Variants in CAPRIN2 observed in about 807,000 individuals in gnomAD.
CAPRIN2 encodes caprin-2.
A neutral mutation model predicts 130.4 loss-of-function variants in CAPRIN2; 66 were observed. That is an observed-to-expected ratio of 0.51 (90% CI 0.42 to 0.62). The LOEUF (loss-of-function observed/expected upper bound fraction) is 0.62. Among genes scored for constraint, CAPRIN2 ranks in the 20% least tolerant of loss-of-function variants. CAPRIN2 has a pLI of 0.00. For missense variants in CAPRIN2, 1,185 were observed against 1,246.6 expected (o/e 0.95, Z 0.74); for synonymous variants, 471 against 444.1 (o/e 1.06, Z -0.76).
intron 2 of CAPRIN2, among the ~76,000 whole-genome samples, chr12:30,741,661 C>T (rs1475442572): frequency 2.0e-5 from 3 of 152,142 alleles, no homozygotes; most frequent in Non-Finnish European, 4.4e-5. Flanking sequence ...AAGAGGGGGG[C>T]ATTTCATGGG....
exon 4 of CAPRIN2, chr12:30,735,151 G>T (rs1334893270): frequency 2.5e-6 from 4 of 1,613,976 alleles, no homozygotes; most frequent in Non-Finnish European, 3.4e-6. Context: ...TTTCTTCTCA[G>T]CCTCAAGTTT....
At chr12:30,726,071 A>C (rs2060836200) in exon 9 of CAPRIN2, 1 of 1,573,368 alleles carries the variant, frequency 6.4e-7, no homozygotes, top group Non-Finnish European at 8.6e-7. Context: ...CTACAGGCTG[A>C]TGCACAGGCT....
intron 4 of CAPRIN2, among the ~76,000 whole-genome samples, chr12:30,734,035 G>A (rs2063607046): frequency 6.6e-6 from 1 of 152,132 alleles, no homozygotes; most frequent in Admixed American, 6.5e-5. Flanking sequence ...AAAGAACAGT[G>A]AAATTGAAAT....
chr12:30,715,406 A>C, intron 13 of CAPRIN2: 2 of 549,178 alleles, frequency 3.6e-6, no homozygotes, highest in South Asian at 3.1e-5. Flanking sequence ...CAAGTAAAAT[A>C]AGCTAGTTTC....
rs1169858629 is a variant in CAPRIN2 at position 30,710,937 on chromosome 12, G to A, written c.2666-467C>T. Among the ~76,000 whole-genome samples the A allele has an allele frequency of 2.6e-5, 4 of 152,186 alleles. No individual in the cohort carries two copies. Among genetic ancestry groups the A allele is most frequent in the Non-Finnish European group, 5.9e-5 (4 of 68,040 alleles). On this transcript the variant is annotated intron_variant, in intron 16 of 16. Transcript: ENST00000298892. The surrounding 1 kb of genome is among the most constrained non-coding windows in gnomAD (Gnocchi z 4.8). ...ATATTGATATGGAACTAAGTCCCAT[G>A]ATGATGAATGCTTTTTTTATTTCCA...
intron 8 of CAPRIN2, among the ~76,000 whole-genome samples, chr12:30,726,582 T>G (rs2060995403): frequency 6.6e-6 from 1 of 152,168 alleles, no homozygotes; most frequent in Admixed American, 6.5e-5. Context: ...TGTTATAAAG[T>G]AAGTACACTC....
chr12:30,716,731 A>G, intron 12 of CAPRIN2, 55 bp from the exon 15 acceptor site: 1 of 1,547,642 alleles, frequency 6.5e-7, no homozygotes, highest in Non-Finnish European at 8.8e-7. Context: ...AAAATGCTTA[A>G]GGGTGGTATC....
At chr12:30,745,748 AT>A (rs2069825712) in intron 2 of CAPRIN2, among the ~76,000 whole-genome samples, 1 of 152,188 alleles carries the variant, frequency 6.6e-6, no homozygotes, top group South Asian at 2.1e-4. Context: ...AAAAAGTGGA[AT>A]AAAGTAAGTC....
At chr12:30,723,088 T>A (rs983480190) in intron 11 of CAPRIN2, among the ~76,000 whole-genome samples, 171 bp downstream of exon 12, 20 of 152,206 alleles carry the variant, frequency 1.3e-4, no homozygotes, top group Middle Eastern at 3.2e-3. Flanking sequence ...AGCATAGTCA[T>A]CGGGGAATCA....
At chr12:30,711,469 T>C (rs1188295942) in intron 16 of CAPRIN2, 97 bp downstream of exon 18, 18 of 973,232 alleles carry the variant, frequency 1.8e-5, no homozygotes, top group Non-Finnish European at 2.8e-5. Flanking sequence ...AGATAAATGC[T>C]AAAAAGCAAT....
intron 15 of CAPRIN2, 103 bp downstream of exon 17, chr12:30,713,682 T>G (rs1354168116): frequency 9.2e-6 from 6 of 651,038 alleles, no homozygotes; most frequent in Non-Finnish European, 1.6e-5. Flanking sequence ...AAACTAAGAG[T>G]GCACTTTCAG....
intron 3 of CAPRIN2, among the ~76,000 whole-genome samples, chr12:30,737,575 T>G (rs115231469): frequency 0.027 from 4,042 of 151,270 alleles, 163 homozygotes; most frequent in African/African-American, 0.091. Flanking sequence ...CAATCAGTAG[T>G]ACTGAATGAT....
At chr12:30,714,881 G>C in intron 14 of CAPRIN2, 78 bp downstream of exon 16, 1 of 1,177,990 alleles carries the variant, frequency 8.5e-7, no homozygotes, top group Non-Finnish European at 1.2e-6. Flanking sequence ...AGGGAGCAAG[G>C]TTAGGTAAAA....
At chr12:30,729,926 C>T (rs1356892396) in intron 7 of CAPRIN2, among the ~76,000 whole-genome samples, 2 of 152,202 alleles carry the variant, frequency 1.3e-5, no homozygotes, top group Non-Finnish European at 1.5e-5. Context: ...GTTCCTCTAA[C>T]ACAGGAGCCA....
At chr12:30,723,365 G>A (rs754516169) in intron 10 of CAPRIN2, 51 bp from the exon 12 acceptor site, 25 of 1,256,772 alleles carry the variant, frequency 2.0e-5, no homozygotes, top group Middle Eastern at 3.7e-4. Flanking sequence ...AAAAGCTTAC[G>A]CATATCAACT....
chr12:30,730,319 G>C, intron 6 of CAPRIN2, 37 bp from the exon 8 acceptor site: 1 of 1,447,202 alleles, frequency 6.9e-7, no homozygotes, highest in Non-Finnish European at 9.7e-7. Context: ...AATACTAGGT[G>C]AACTGTAAGT....
chr12:30,730,410 G>C, intron 6 of CAPRIN2, 128 bp from the exon 8 acceptor site: 2 of 661,096 alleles, frequency 3.0e-6, no homozygotes, highest in South Asian at 4.0e-5. Flanking sequence ...ATATAATCAA[G>C]TATATTGATG....
intron 1 of CAPRIN2, among the ~76,000 whole-genome samples, chr12:30,752,570 G>A: frequency 2.0e-5 from 2 of 99,000 alleles, no homozygotes; most frequent in African/African-American, 9.6e-5. Context: ...ACTTTCTTAG[G>A]TTAAAAAAAA....
chr12:30,754,052 C>G, exon 1 of CAPRIN2: 1 of 309,260 alleles, frequency 3.2e-6, no homozygotes, highest in East Asian at 5.4e-5. Flanking sequence ...CAATCCTGAA[C>G]GTTTGGAAGA....
Sources: allele counts gnomAD v4.1 joint callset (sites outside exome capture counted in the v4.1 genomes callset), GRCh38; gene constraint gnomAD v4.1.1; non-coding constraint Gnocchi (gnomAD v3.1); transcripts MANE v1.5; gene names NCBI Gene and HGNC (gene_info 2026-07-23, HGNC 2026-07-21).